The following COL23A1 variants were observed in gnomAD, a reference collection of about 807,000 sequenced individuals.
COL23A1 encodes the protein collagen type XXIII alpha 1 chain.
Under a neutral mutation model 99.3 loss-of-function variants are expected in COL23A1, and 97 were observed. The ratio of observed to expected loss-of-function variants is 0.98; its 90% CI spans 0.83 to 1.16. COL23A1 has a LOEUF of 1.16. Among genes scored for constraint, COL23A1 ranks in the 50% most tolerant of loss-of-function variants. The pLI, the probability that COL23A1 is intolerant of heterozygous loss-of-function variation, is 0.00. For synonymous variants in COL23A1, 320 were observed against 308.2 expected (o/e 1.04, Z -0.40); for missense variants, 762 against 757.4 (o/e 1.01, Z -0.07).
intron 14 of COL23A1, 68 bp downstream of exon 14, chr5:178,256,798 C>G: frequency 6.8e-7 from 1 of 1,468,418 alleles, no homozygotes; most frequent in Non-Finnish European, 9.3e-7. Flanking sequence ...AACCACATCT[C>G]CCACTCCCGA....
At position 178,238,716 on chromosome 5, in the gene COL23A1, G is replaced by C. The variant is rs1336908419; in HGVS notation, c.1621-16C>G. The C allele has an allele frequency of 6.2e-7, 1 of 1,612,152 alleles. No individual in the cohort carries two copies. Among genetic ancestry groups the C allele is most frequent in the Admixed American group, 1.7e-5 (1 of 60,016 alleles). On this transcript the variant is annotated splice_polypyrimidine_tract_variant and intron_variant, in intron 28 of 28. Coordinates refer to ENST00000390654, the MANE Select transcript of COL23A1 (RefSeq NM_173465.4). The stretch of plus-strand genomic sequence containing the variant: ...CTGTGGGTCACTGGAAAAGGAGGAA[G>C]AGACTGAAGGTGACGAGGAGCCCGA...
chr5:178,499,312 G>C (rs1353730006), intron 2 of COL23A1, among the ~76,000 whole-genome samples: 2 of 152,156 alleles, frequency 1.3e-5, no homozygotes, highest in East Asian at 3.9e-4. Context: ...AGGAGGAGAA[G>C]GGAGGGATAA....
chr5:178,433,799 T>A (rs1033017367), intron 2 of COL23A1, among the ~76,000 whole-genome samples: 8 of 152,240 alleles, frequency 5.3e-5, no homozygotes, highest in African/African-American at 1.9e-4. Context: ...CATATTGACG[T>A]CTTAACCCCC....
chr5:178,338,754 C>A (rs776187812), intron 2 of COL23A1, among the ~76,000 whole-genome samples: 2 of 152,156 alleles, frequency 1.3e-5, no homozygotes, highest in Non-Finnish European at 2.9e-5. Flanking sequence ...GGAACAGAGA[C>A]CAGCTGAGGA....
chr5:178,287,968 T>C (rs192305487), intron 5 of COL23A1, among the ~76,000 whole-genome samples: 20 of 152,302 alleles, frequency 1.3e-4, no homozygotes, highest in Non-Finnish European at 2.6e-4. Context: ...GAGCGGTGGC[T>C]GGGACAGGGA....
At chr5:178,490,292 G>A (rs973264786) in intron 2 of COL23A1, among the ~76,000 whole-genome samples, 1 of 152,064 alleles carries the variant, frequency 6.6e-6, no homozygotes, top group African/African-American at 2.4e-5. Flanking sequence ...TCTCACACAT[G>A]CTACTCCATG....
intron 25 of COL23A1, among the ~76,000 whole-genome samples, chr5:178,243,961 G>A (rs62388744): frequency 0.16 from 23,662 of 151,962 alleles, 2,127 homozygotes; most frequent in East Asian, 0.4. Context: ...CCTTTCCCTC[G>A]TCCACAGTTG....
At chr5:178,389,975 G>A (rs1020041625) in intron 2 of COL23A1, among the ~76,000 whole-genome samples, 1 of 152,212 alleles carries the variant, frequency 6.6e-6, no homozygotes, top group Non-Finnish European at 1.5e-5. Context: ...GACGCTCGGC[G>A]GCAGGAGCTA....
chr5:178,304,372 G>A (rs1052307128), intron 3 of COL23A1, among the ~76,000 whole-genome samples: 4 of 152,054 alleles, frequency 2.6e-5, no homozygotes, highest in Non-Finnish European at 5.9e-5. Context: ...TTAGCTGGGC[G>A]TGGTGACGCG....
intron 13 of COL23A1, 39 bp from the exon 14 acceptor site, chr5:178,256,967 C>T (rs200026766): frequency 4.3e-5 from 68 of 1,597,482 alleles, no homozygotes; most frequent in African/African-American, 2.9e-4. Flanking sequence ...AAGTGTGAGA[C>T]GGCACGTGGC....
chr5:178,511,868 G>C (rs535461511), intron 2 of COL23A1, among the ~76,000 whole-genome samples: 1 of 152,168 alleles, frequency 6.6e-6, no homozygotes, highest in Non-Finnish European at 1.5e-5. Flanking sequence ...TAGCATCTCA[G>C]ATACCACCTA....
intron 2 of COL23A1, among the ~76,000 whole-genome samples, chr5:178,405,906 C>A (rs1450856212): frequency 6.6e-6 from 1 of 152,184 alleles, no homozygotes; most frequent in East Asian, 1.9e-4. Flanking sequence ...AGTTAGAGAT[C>A]AGCCTGGACA....
intron 2 of COL23A1, among the ~76,000 whole-genome samples, chr5:178,355,072 T>C (rs1457259797): frequency 7.2e-6 from 1 of 139,828 alleles, no homozygotes; most frequent in Non-Finnish European, 1.5e-5. Context: ...AAAAAAAAAA[T>C]GGATTTTTAA....
intron 2 of COL23A1, among the ~76,000 whole-genome samples, chr5:178,314,740 A>G (rs1758889268): frequency 6.6e-6 from 1 of 152,178 alleles, no homozygotes; most frequent in Non-Finnish European, 1.5e-5. Flanking sequence ...CCTGACCTCA[A>G]ACCCATGAGG....
intron 5 of COL23A1, among the ~76,000 whole-genome samples, chr5:178,278,596 C>T (rs984474463): frequency 6.6e-6 from 1 of 152,132 alleles, no homozygotes; most frequent in African/African-American, 2.4e-5. Flanking sequence ...CGTCAGTGAG[C>T]CCGTGAGCCT....
At chr5:178,579,402 G>A (rs906531412) in intron 1 of COL23A1, among the ~76,000 whole-genome samples, 6 of 152,212 alleles carry the variant, frequency 3.9e-5, no homozygotes, top group Non-Finnish European at 8.8e-5. Context: ...AGGTCACACA[G>A]CTGGAAAATA....
At chr5:178,258,236 A>AATATATATATATAT (rs70994992) in intron 12 of COL23A1, among the ~76,000 whole-genome samples, 31 of 71,910 alleles carry the variant, frequency 4.3e-4, no homozygotes, top group Admixed American at 7.1e-4. Flanking sequence ...CCTGTCTTAA[A>AATATATATATATAT]ATATATATAT....
chr5:178,462,417 C>T lies in COL23A1; in HGVS notation c.361+98265G>A, dbSNP rs1756169922. Among the ~76,000 whole-genome samples the T allele has an allele frequency of 2.0e-5, 3 of 152,308 alleles. No individual in the cohort carries two copies. In the South Asian group the frequency reaches 6.2e-4, roughly 32 times the overall value. Reference sequence around the variant, plus strand: ...TTTGAGGCTAAGATAAACCTGTATGCATTTAACTTACTTCAGTCATTTAAA... The same window carrying T: ...TTTGAGGCTAAGATAAACCTGTATGTATTTAACTTACTTCAGTCATTTAAA... On this transcript the variant is annotated intron_variant, in intron 2 of 28. Transcript: ENST00000390654.
chr5:178,387,844 G>C lies in COL23A1; in HGVS notation c.362-80925C>G, dbSNP rs1441344817. Among the ~76,000 whole-genome samples the C allele has an allele frequency of 6.6e-6, 1 of 152,144 alleles. No individual in the cohort carries two copies. The highest frequency in any genetic ancestry group is 2.4e-5 in the African/African-American group (1 of 41,412). ...CAGCTTTTATACTCAGGAAGGAAGA[G>C]GGCCCAAGGAGAAAATAAGGAGCCA... On this transcript the variant is annotated intron_variant, in intron 2 of 28. Transcript: ENST00000390654. The surrounding 1 kb of genome is among the most constrained non-coding windows in gnomAD (Gnocchi z 4.7).
Sources: allele counts gnomAD v4.1 joint callset (sites outside exome capture counted in the v4.1 genomes callset), GRCh38; gene constraint gnomAD v4.1.1; non-coding constraint Gnocchi (gnomAD v3.1); transcripts MANE v1.5; gene names NCBI Gene and HGNC (gene_info 2026-07-23, HGNC 2026-07-21).